Variants in MBOAT4 observed in about 807,000 individuals in gnomAD.
MBOAT4 encodes membrane-bound ghrelin O-acyltransferase MBOAT4.
MBOAT4 carries 11 observed loss-of-function variants against 13.2 expected under a neutral mutation model. The ratio of observed to expected loss-of-function variants is 0.84; its 90% CI spans 0.53 to 1.38. MBOAT4 has a LOEUF of 1.38. MBOAT4 is among the 40% of genes most tolerant of loss of function. The pLI, the probability that MBOAT4 is intolerant of heterozygous loss-of-function variation, is 0.00. For missense variants in MBOAT4, 481 were observed against 527.2 expected (o/e 0.91, Z 0.86); for synonymous variants, 202 against 210.3 (o/e 0.96, Z 0.34).
chr8:30,140,623 G>T (rs990527635), intron 1 of MBOAT4, among the ~76,000 whole-genome samples: 13 of 152,082 alleles, frequency 8.5e-5, no homozygotes, highest in African/African-American at 3.1e-4. Context: ...AAACAAAGAC[G>T]ATCTCCATCT....
chr8:30,135,430 G>A lies in MBOAT4; in HGVS notation c.345-2524C>T, dbSNP rs565582256. On this transcript the variant is annotated intron_variant, in intron 2 of 2. Coordinates refer to ENST00000320542, the MANE Select transcript of MBOAT4 (RefSeq NM_001100916.2). ...GGTAGTGAAGAAAAGATAGGAAGCT[G>A]AAGATTTTAAATACGAACCAGGCCC... Among the ~76,000 whole-genome samples, 4 of 152,316 alleles carry A rather than the reference G, an allele frequency of 2.6e-5. No individual in the cohort carries two copies. In the East Asian group the frequency reaches 7.7e-4, roughly 29 times the overall value.
chr8:30,143,969 T>C (rs1803306087), intron 1 of MBOAT4, among the ~76,000 whole-genome samples: 1 of 152,220 alleles, frequency 6.6e-6, no homozygotes. Flanking sequence ...CTTACATCAG[T>C]GCAGGAAGGA....
At chr8:30,140,331 G>T (rs552719981) in intron 1 of MBOAT4, among the ~76,000 whole-genome samples, 1 of 152,202 alleles carries the variant, frequency 6.6e-6, no homozygotes, top group African/African-American at 2.4e-5. Flanking sequence ...AAGGTGATCC[G>T]CCCACCTCAG....
chr8:30,136,813 G>A (rs149000616), intron 2 of MBOAT4, among the ~76,000 whole-genome samples: 6 of 149,826 alleles, frequency 4.0e-5, no homozygotes, highest in Admixed American at 2.7e-4. Context: ...TCAGCCTCCC[G>A]AGTAGCTGGG....
intron 2 of MBOAT4, among the ~76,000 whole-genome samples, chr8:30,136,791 C>T (rs117307702): frequency 0.013 from 1,932 of 149,530 alleles, 38 homozygotes; most frequent in East Asian, 0.07. Context: ...TGCAGTGATG[C>T]GATCTCCTGT....
chr8:30,137,940 A>T (rs1307314010), intron 2 of MBOAT4: 1 of 209,534 alleles, frequency 4.8e-6, no homozygotes, highest in Non-Finnish European at 9.8e-6. Flanking sequence ...AGTGCTTGAG[A>T]TGTTTTGTAG....
At chr8:30,144,462 A>T (rs1563224138) in intron 1 of MBOAT4, 21 bp downstream of exon 1, 1 of 1,493,750 alleles carries the variant, frequency 6.7e-7, no homozygotes, top group Admixed American at 2.0e-5. Flanking sequence ...ATGTAAGAGT[A>T]AAAATAGCCA....
chr8:30,135,842 A>T (rs1452433258), intron 2 of MBOAT4, among the ~76,000 whole-genome samples: 1 of 147,702 alleles, frequency 6.8e-6, no homozygotes, highest in Non-Finnish European at 1.5e-5. Flanking sequence ...TGAGCCCAGG[A>T]GGTCGAGGCT....
chr8:30,141,408 G>T (rs2117550238), intron 1 of MBOAT4, among the ~76,000 whole-genome samples: 1 of 152,268 alleles, frequency 6.6e-6, no homozygotes, highest in East Asian at 1.9e-4. Flanking sequence ...GCTGAGGCAG[G>T]CAGATCACTT....
intron 1 of MBOAT4, among the ~76,000 whole-genome samples, chr8:30,142,147 T>A (rs780218118): frequency 6.6e-6 from 1 of 152,252 alleles, no homozygotes; most frequent in Non-Finnish European, 1.5e-5. Flanking sequence ...AGCGATTGCA[T>A]ATTTCATTCT....
At chr8:30,134,945 T>C (rs1021690640) in intron 2 of MBOAT4, among the ~76,000 whole-genome samples, 29 of 152,092 alleles carry the variant, frequency 1.9e-4, no homozygotes, top group African/African-American at 6.5e-4. Context: ...AGTGGCACCA[T>C]CCTGGCTCAC....
intron 2 of MBOAT4, among the ~76,000 whole-genome samples, chr8:30,134,529 A>G (rs1803098505): frequency 6.6e-6 from 1 of 151,892 alleles, no homozygotes; most frequent in Admixed American, 6.6e-5. Context: ...CAATTCCTAA[A>G]TAAGTATCAT....
chr8:30,142,110 A>G (rs1803271782), intron 1 of MBOAT4, among the ~76,000 whole-genome samples: 1 of 152,220 alleles, frequency 6.6e-6, no homozygotes. Flanking sequence ...GACAATGTAG[A>G]ATGTGTGACT....
chr8:30,139,908 C>T (rs1168067231), intron 1 of MBOAT4, among the ~76,000 whole-genome samples: 1 of 152,122 alleles, frequency 6.6e-6, no homozygotes, highest in Non-Finnish European at 1.5e-5. Flanking sequence ...TGCACTTGAG[C>T]GATGATGACA....
At chr8:30,133,804 AAG>A (rs1554485798) in intron 2 of MBOAT4, among the ~76,000 whole-genome samples, 7 of 151,390 alleles carry the variant, frequency 4.6e-5, no homozygotes, top group Admixed American at 1.3e-4. Context: ...AAAAAAAAAA[AAG>A]AAAGAGAAAA....
At chr8:30,141,858 C>T (rs955791800) in intron 1 of MBOAT4, among the ~76,000 whole-genome samples, 3 of 152,102 alleles carry the variant, frequency 2.0e-5, no homozygotes, top group African/African-American at 4.8e-5. Flanking sequence ...TGGGGGAGAG[C>T]GTTAAGTGTC....
chr8:30,134,190 C>T (rs1803089388), intron 2 of MBOAT4, among the ~76,000 whole-genome samples: 1 of 151,938 alleles, frequency 6.6e-6, no homozygotes, highest in Non-Finnish European at 1.5e-5. Context: ...TTTGGGAGGC[C>T]GAGGCAGGTG....
At chr8:30,143,412 A>C (rs1803297291) in intron 1 of MBOAT4, among the ~76,000 whole-genome samples, 1 of 150,240 alleles carries the variant, frequency 6.7e-6, no homozygotes, top group Non-Finnish European at 1.5e-5. Flanking sequence ...AAAATAAATA[A>C]AATAAAAAAT....
intron 2 of MBOAT4, chr8:30,137,197 C>T (rs573421149): frequency 1.9e-5 from 21 of 1,119,866 alleles, no homozygotes; most frequent in Non-Finnish European, 2.6e-5. Context: ...AATGTTTCCT[C>T]TCATCTCAGG....
Sources: allele counts gnomAD v4.1 joint callset (sites outside exome capture counted in the v4.1 genomes callset), GRCh38; gene constraint gnomAD v4.1.1; transcripts MANE v1.5; gene names NCBI Gene and HGNC (gene_info 2026-07-23, HGNC 2026-07-21).